Variants in LRRC14B observed in about 807,000 individuals in gnomAD.
LRRC14B encodes the protein leucine rich repeat containing 14B, also known as leucine-rich repeat-containing protein 14B.
LRRC14B carries 23 observed loss-of-function variants against 16.9 expected under a neutral mutation model. That is an observed-to-expected ratio of 1.36 (90% CI 0.98 to 1.92). LRRC14B has a LOEUF of 1.92. Among genes scored for constraint, LRRC14B ranks in the 30% most tolerant of loss-of-function variants. The probability of loss-of-function intolerance (pLI) is 0.00; values close to 1 mark genes in which losing one functional copy is unlikely to be tolerated. For missense variants in LRRC14B, 766 were observed against 705.7 expected, an observed-to-expected ratio of 1.09 and a Z score of -0.97; for synonymous variants, 358 against 332.5, an observed-to-expected ratio of 1.08 and a Z score of -0.83.
chr5:191,884 C>T lies in LRRC14B; in HGVS notation c.346C>T (p.Arg116Ter), dbSNP rs757075638. 40 of 1,519,014 alleles carry T rather than the reference C, an allele frequency of 2.6e-5. 1 individual carries two copies. In the South Asian group the frequency reaches 3.8e-4, roughly 14 times the overall value. The allele number at this position is 1,519,014 out of a possible 1,614,324, so 94.1% of individuals were successfully genotyped here. ...RLRVADLTGI[R>*]DVQVQRCPCG... is the part of the protein sequence containing the mutation. The stretch of plus-strand genomic sequence containing the variant: ...GCGGGTGGCTGACCTCACGGGCATC[C>T]GAGATGTGCAGGTGCAGCGGTGCCC... The change falls in exon 1 of 2, where the codon CGA (arginine) becomes TGA (stop). Residue 116 changes from arginine to a stop codon, truncating the protein, a stop_gained. Transcript: ENST00000328278. LOFTEE classifies it high-confidence loss of function.
intron 1 of LRRC14B, among the ~76,000 whole-genome samples, chr5:192,677 A>G (rs1017732743): frequency 1.3e-5 from 2 of 152,202 alleles, no homozygotes; most frequent in African/African-American, 4.8e-5. Context: ...AATGCCAGTT[A>G]AAAAAAGAGA....
intron 1 of LRRC14B, 146 bp downstream of exon 1, chr5:192,583 G>T: frequency 1.1e-6 from 1 of 877,822 alleles, no homozygotes; most frequent in Non-Finnish European, 1.6e-6. Flanking sequence ...CAGGACAGCG[G>T]CCCCGCCAAG....
chr5:192,678 A>G (rs1349228044), intron 1 of LRRC14B, among the ~76,000 whole-genome samples: 1 of 152,222 alleles, frequency 6.6e-6, no homozygotes, highest in Non-Finnish European at 1.5e-5. Flanking sequence ...ATGCCAGTTA[A>G]AAAAAGAGAA....
Position 192,149 on chromosome 5 carries a change from T to A in LRRC14B, c.611T>A (p.Val204Glu). The change falls in exon 1 of 2, where the codon GTG becomes GAG. Residue 204 changes from valine (V) to glutamate (E), a missense_variant. By Grantham distance (121) the Val-to-Glu change is moderately radical. Transcript: ENST00000328278. ...CTGAGCCCCAGCCAGCTCCTGCACGTGCTGCGTCTGGCTGGCCCGGGTGCC... is the reference window on the plus strand; with the variant it reads ...CTGAGCCCCAGCCAGCTCCTGCACGAGCTGCGTCTGGCTGGCCCGGGTGCC... ...DSLSPSQLLH[V>E]LRLAGPGALR... The A allele has an allele frequency of 1.3e-6, 2 of 1,594,326 alleles. No individual in the cohort carries two copies. The highest frequency in any genetic ancestry group is 1.1e-5 in the South Asian group (1 of 88,034).
At position 194,979 on chromosome 5, in the gene LRRC14B, C is replaced by T. The variant is rs372575884; in HGVS notation, c.1171C>T (p.Arg391Cys). The change falls in exon 2 of 2, where the codon CGC (arginine) becomes TGC (cysteine). Residue 391 changes from arginine to cysteine, a missense_variant. Transcript: ENST00000328278. ...GGGCCTGAGCCCCTGCCACCGGCTG[C>T]GCCAGCTCAAGTTCCTCGGGAACCC... is the stretch of plus-strand genomic sequence containing the variant. ...ILGLSPCHRL[R>C]QLKFLGNPLS... The T allele has an allele frequency of 2.0e-5, 32 of 1,612,998 alleles. No individual in the cohort carries two copies. The highest frequency in any genetic ancestry group is 2.3e-5 in the Non-Finnish European group (27 of 1,179,804).
In LRRC14B at chr5:195,301, C is replaced by G; in HGVS notation, c.1493C>G (p.Ala498Gly). 1.2e-6 allele frequency: 2 copies of G among 1,609,038 alleles called. No individual in the cohort carries two copies. The highest frequency in any genetic ancestry group is 1.7e-6 in the Non-Finnish European group (2 of 1,179,852). The change falls in exon 2 of 2, where the codon GCT becomes GGT. Residue 498 changes from alanine (A) to glycine (G), a missense_variant. Ala to Gly is a moderately conservative substitution (Grantham distance 60). Coordinates refer to ENST00000328278, the MANE Select transcript of LRRC14B (RefSeq NM_001080478.3). Reference protein sequence around the residue: ...SNELGAFLLQAFKTALENFSR... With the variant: ...SNELGAFLLQGFKTALENFSR... Reference sequence around the variant, plus strand: ...GAGCTTGGTGCTTTCTTGCTGCAAGCTTTCAAAACTGCTCTAGAAAACTTC... The same window carrying G: ...GAGCTTGGTGCTTTCTTGCTGCAAGGTTTCAAAACTGCTCTAGAAAACTTC...
chr5:191,920 G>A lies in LRRC14B; in HGVS notation c.382G>A (p.Ala128Thr), dbSNP rs908291396. 2.6e-6 allele frequency: 4 copies of A among 1,511,116 alleles called. No homozygotes were observed. Among genetic ancestry groups the A allele is most frequent in the African/African-American group, 2.8e-5 (2 of 71,774 alleles). The allele number at this position is 1,511,116 out of a possible 1,614,324, so 93.6% of individuals were successfully genotyped here. ...GGTGCAGCGGTGCCCGTGCGGGAGGGCGCTGGGCAGGTGGGGCCGCACCCA... is the reference window on the plus strand; with the variant it reads ...GGTGCAGCGGTGCCCGTGCGGGAGGACGCTGGGCAGGTGGGGCCGCACCCA... The part of the protein sequence containing the change: ...VQVQRCPCGR[A>T]LGRWGRTQLL... Residue 128 changes from alanine to threonine, a missense_variant, in exon 1 of 2, where the codon GCG becomes ACG. Coordinates refer to ENST00000328278, the MANE Select transcript of LRRC14B (RefSeq NM_001080478.3).
chr5:193,869 A>G (rs2126488190), intron 1 of LRRC14B, among the ~76,000 whole-genome samples: 1 of 152,134 alleles, frequency 6.6e-6, no homozygotes. Flanking sequence ...GGCAGACCCC[A>G]GCTGTGTCCC....
In LRRC14B at chr5:195,199, G is replaced by C; in HGVS notation, c.1391G>C (p.Arg464Pro). Residue 464 changes from arginine (R) to proline (P), a missense_variant, in exon 2 of 2, where the codon CGG becomes CCG. Physicochemically the swap from Arg to Pro is moderately radical, Grantham distance 103 (BLOSUM62 -2). Coordinates refer to ENST00000328278, the MANE Select transcript of LRRC14B (RefSeq NM_001080478.3). ...GAGGAGCTGCGTGCCGTGCTGCTGC[G>C]GGCTGACCGAGAGGACATCCAAGTC... ...IAEELRAVLLRADREDIQVST... is the reference protein window; with the variant it reads ...IAEELRAVLLPADREDIQVST... 1 of 1,613,780 alleles carries C rather than the reference G, an allele frequency of 6.2e-7. No individual in the cohort carries two copies. The highest frequency in any genetic ancestry group is 8.5e-7 in the Non-Finnish European group (1 of 1,179,886).
chr5:195,830 A>T lies in LRRC14B; in HGVS notation c.*477A>T, dbSNP rs1247918174. The T allele has an allele frequency of 6.2e-6, 1 of 162,434 alleles. No individual in the cohort carries two copies. Among genetic ancestry groups the T allele is most frequent in the Non-Finnish European group, 1.3e-5 (1 of 74,294 alleles). The allele number at this position is 162,434 out of a possible 1,614,324, so 10.1% of individuals were successfully genotyped here. On this transcript the variant is annotated 3_prime_UTR_variant, in exon 2 of 2. Coordinates refer to ENST00000328278, the MANE Select transcript of LRRC14B (RefSeq NM_001080478.3). ...CCCATGAAAAACAACCGAGAAAAAG[A>T]GGCGAAAAATGAACAGCAAACCGGA...
In LRRC14B at chr5:191,731, G is replaced by A; in HGVS notation, c.193G>A (p.Gly65Arg). 6.4e-7 allele frequency: 1 copy of A among 1,571,176 alleles called. No individual in the cohort carries two copies. ...CTGGCCCCTGGAGGAGTTCCGGCTG[G>A]GAGCGCTGCTGGGTCCTGGTGCCGA... ...GRWPLEEFRLGALLGPGADHP... is the reference protein window; with the variant it reads ...GRWPLEEFRLRALLGPGADHP... The change falls in exon 1 of 2, where the codon GGA (glycine) becomes AGA (arginine). Residue 65 changes from glycine (G) to arginine (R), a missense_variant. Transcript: ENST00000328278.
rs1579351711 is a variant in LRRC14B at position 196,141 on chromosome 5, C to CG, written c.*792dup. The CG allele has an allele frequency of 6.6e-6, 1 of 152,306 alleles. No individual in the cohort carries two copies. The highest frequency in any genetic ancestry group is 1.9e-4 in the East Asian group (1 of 5,168). 9.4% of individuals were successfully genotyped at this position (152,306 alleles called of 1,614,324 possible). On this transcript the variant is annotated 3_prime_UTR_variant, in exon 2 of 2. Transcript: ENST00000328278. ...TCTCACCAACATTCACTGTGTCCTG[C>CG]GGGGCTTGAGGCTTAGACTGACGGG...
rs762764548 is a variant in LRRC14B, at chr5:195,186, G to A, written c.1378G>A (p.Ala460Thr). 2 of 1,613,786 alleles carry A rather than the reference G, an allele frequency of 1.2e-6. No homozygotes were observed. Among genetic ancestry groups the A allele is most frequent in the African/African-American group, 1.3e-5 (1 of 74,942 alleles). The change falls in exon 2 of 2, where the codon GCC (alanine) becomes ACC (threonine). Residue 460 changes from alanine to threonine, a missense_variant. Coordinates refer to ENST00000328278, the MANE Select transcript of LRRC14B (RefSeq NM_001080478.3). ...CGACGAGATCGCCGAGGAGCTGCGT[G>A]CCGTGCTGCTGCGGGCTGACCGAGA... ...KYDEIAEELR[A>T]VLLRADREDI...
In LRRC14B at chr5:192,335, C is replaced by A; in HGVS notation, c.797C>A (p.Pro266His). 1 of 1,597,332 alleles carries A rather than the reference C, an allele frequency of 6.3e-7. No homozygotes were observed. The highest frequency in any genetic ancestry group is 8.5e-7 in the Non-Finnish European group (1 of 1,173,080). ...TYASTPDGED[P>H]LLASIARELS... ...GCCTCCACTCCCGACGGCGAGGACCCCCTCCTCGCCTCCATCGCCCGGGAG... is the reference window on the plus strand; with the variant it reads ...GCCTCCACTCCCGACGGCGAGGACCACCTCCTCGCCTCCATCGCCCGGGAG... Residue 266 changes from proline to histidine, a missense_variant, in exon 1 of 2, where the codon CCC becomes CAC. Pro to His is a moderately conservative substitution (Grantham distance 77, BLOSUM62 -2). Coordinates refer to ENST00000328278, the MANE Select transcript of LRRC14B (RefSeq NM_001080478.3).
intron 1 of LRRC14B, 138 bp from the exon 2 acceptor site, chr5:194,570 G>A (rs1030843085): frequency 5.5e-6 from 4 of 726,252 alleles, no homozygotes; most frequent in African/African-American, 1.8e-5. Context: ...CTCATAGGCT[G>A]TATGAAATTA....
intron 1 of LRRC14B, among the ~76,000 whole-genome samples, chr5:192,873 C>T (rs567442885): frequency 2.6e-5 from 4 of 152,260 alleles, no homozygotes; most frequent in Admixed American, 6.5e-5. Context: ...CCATCTCATC[C>T]GAAGGCCTGA....
chr5:191,726 G>A lies in LRRC14B; in HGVS notation c.188G>A (p.Arg63Gln), dbSNP rs200788659. ...GGGCGCTGGCCCCTGGAGGAGTTCC[G>A]GCTGGGAGCGCTGCTGGGTCCTGGT... The part of the protein sequence containing the change: ...VLGRWPLEEF[R>Q]LGALLGPGAD... The change falls in exon 1 of 2, where the codon CGG (arginine) becomes CAG (glutamine). Residue 63 changes from arginine to glutamine, a missense_variant. Coordinates refer to ENST00000328278, the MANE Select transcript of LRRC14B (RefSeq NM_001080478.3). 3.2e-6 allele frequency: 5 copies of A among 1,573,898 alleles called. No individual in the cohort carries two copies. Among genetic ancestry groups the A allele is most frequent in the African/African-American group, 2.7e-5 (2 of 74,062 alleles).
In LRRC14B at chr5:191,885, G is replaced by A. The variant is rs965290891; in HGVS notation, c.347G>A (p.Arg116Gln). 5 of 1,519,058 alleles carry A rather than the reference G, an allele frequency of 3.3e-6. No homozygotes were observed. In the South Asian group the frequency reaches 3.7e-5, roughly 11 times the overall value. The allele number at this position is 1,519,058 out of a possible 1,614,324, so 94.1% of individuals were successfully genotyped here. Residue 116 changes from arginine to glutamine, a missense_variant, in exon 1 of 2, where the codon CGA (arginine) becomes CAA (glutamine). Arg to Gln is a conservative substitution (Grantham distance 43). Coordinates refer to ENST00000328278, the MANE Select transcript of LRRC14B (RefSeq NM_001080478.3). ...CGGGTGGCTGACCTCACGGGCATCC[G>A]AGATGTGCAGGTGCAGCGGTGCCCG... ...RLRVADLTGI[R>Q]DVQVQRCPCG...
In LRRC14B at chr5:195,545, C is replaced by T. The variant is rs920459272; in HGVS notation, c.*192C>T. 3.9e-5 allele frequency among the ~76,000 whole-genome samples: 6 copies of T among 152,184 alleles called. No homozygotes were observed. Among genetic ancestry groups the T allele is most frequent in the African/African-American group, 9.7e-5 (4 of 41,446 alleles). On this transcript the variant is annotated 3_prime_UTR_variant, in exon 2 of 2. Transcript: ENST00000328278. ...GAAGCCTTCCAGGAGAGGTGCCATG[C>T]GGTGCCCTTTAGTGGCAGCACGGCA...
Sources: gnomAD v4.1 joint callset for allele counts (sites outside exome capture counted in the v4.1 genomes callset) on GRCh38, gnomAD v4.1.1 for gene constraint, MANE v1.5 for transcripts, NCBI Gene and HGNC (gene_info 2026-07-23, HGNC 2026-07-21) for gene names.